MTREX: variants seen among roughly 807,000 people sequenced by gnomAD.
MTREX encodes Mtr4 exosome RNA helicase, also known as exosome RNA helicase MTR4.
A neutral mutation model predicts 135.4 loss-of-function variants in MTREX; 76 were observed. The observed-to-expected ratio is 0.56, with a 90% confidence interval of 0.47 to 0.68. MTREX has a LOEUF of 0.68. Among genes scored for constraint, MTREX ranks in the 30% least tolerant of loss-of-function variants. MTREX has a pLI of 0.00. For missense variants in MTREX, 920 were observed against 1,262.1 expected (o/e 0.73, Z 4.11); for synonymous variants, 404 against 401.6 (o/e 1.01, Z -0.07).
chr5:55,396,025 T>C (rs1210446452), intron 19 of MTREX, among the ~76,000 whole-genome samples: 3 of 152,214 alleles, frequency 2.0e-5, no homozygotes, highest in African/African-American at 7.2e-5. Context: ...GATTTTCCTC[T>C]TTTAATACTT....
At position 55,328,769 on chromosome 5, in the gene MTREX, T is replaced by A. The variant is rs751968832; in HGVS notation, c.473T>A (p.Leu158Gln). 4 of 1,613,272 alleles carry A rather than the reference T, an allele frequency of 2.5e-6. No homozygotes were observed. The South Asian group carries it at 3.3e-5, about 13-fold the overall frequency. ...TGTGTTGACAATAATCAGTCTGTTC[T>A]AGTATCTGCACATACCTCAGCGGGA... Reference protein sequence around the residue: ...IQCVDNNQSVLVSAHTSAGKT... With the variant: ...IQCVDNNQSVQVSAHTSAGKT... The change falls in exon 5 of 27, where the codon CTA becomes CAA. Residue 158 changes from leucine to glutamine, a missense_variant. This residue lies in a region of MTREX where 82 missense variants were observed against 107.4 expected (regional missense o/e 0.76). Coordinates refer to ENST00000230640, the MANE Select transcript of MTREX (RefSeq NM_015360.5).
intron 7 of MTREX, among the ~76,000 whole-genome samples, chr5:55,342,953 T>C (rs1295774189): frequency 6.6e-6 from 1 of 151,866 alleles, no homozygotes; most frequent in Non-Finnish European, 1.5e-5. Flanking sequence ...CCGTCTGGAA[T>C]AGGAATAGTA....
intron 1 of MTREX, among the ~76,000 whole-genome samples, chr5:55,321,481 C>T (rs1391573536): frequency 6.6e-6 from 1 of 151,788 alleles, no homozygotes; most frequent in South Asian, 2.1e-4. Context: ...ATTTTATCTT[C>T]TAGATTCTTT....
chr5:55,371,682 A>ATTAAT (rs949075058), intron 16 of MTREX, among the ~76,000 whole-genome samples: 4 of 152,214 alleles, frequency 2.6e-5, no homozygotes, highest in Non-Finnish European at 5.9e-5. Flanking sequence ...AAGTTGCCTC[A>ATTAAT]TTAATTTATG....
At chr5:55,344,769 G>A (rs1749703584) in intron 9 of MTREX, 149 bp downstream of exon 9, 2 of 569,436 alleles carry the variant, frequency 3.5e-6, no homozygotes, top group South Asian at 5.7e-5. Context: ...TGATTTTTTT[G>A]TGTGTTTTTA....
At chr5:55,389,726 T>C (rs1750535629) in intron 19 of MTREX, among the ~76,000 whole-genome samples, 1 of 152,166 alleles carries the variant, frequency 6.6e-6, no homozygotes, top group South Asian at 2.1e-4. Flanking sequence ...ACCCCCTCTT[T>C]AGAAAGAACT....
At chr5:55,357,301 G>C (rs758931938) in intron 14 of MTREX, 1 of 152,380 alleles carries the variant, frequency 6.6e-6, no homozygotes, top group Non-Finnish European at 1.5e-5. Flanking sequence ...GGTTGAACTT[G>C]GCCCTGTATT....
chr5:55,328,780 C>T lies in MTREX; in HGVS notation c.484C>T (p.His162Tyr). The T allele has an allele frequency of 6.2e-7, 1 of 1,611,732 alleles. No individual in the cohort carries two copies. Among genetic ancestry groups the T allele is most frequent in the South Asian group, 1.1e-5 (1 of 90,904 alleles). ...TAATCAGTCTGTTCTAGTATCTGCA[C>T]ATACCTCAGCGGGAAAAACAGTATG... ...DNNQSVLVSA[H>Y]TSAGKTVCAE... Residue 162 changes from histidine to tyrosine, a missense_variant, in exon 5 of 27, where the codon CAT (histidine) becomes TAT (tyrosine). Physicochemically the swap from His to Tyr is moderately conservative, Grantham distance 83. Transcript: ENST00000230640.
At chr5:55,357,611 G>A (rs1279997586) in intron 14 of MTREX, 1 of 152,382 alleles carries the variant, frequency 6.6e-6, no homozygotes, top group Non-Finnish European at 1.5e-5. Context: ...ACAGGCAGTG[G>A]GCTTTCAGCA....
intron 16 of MTREX, among the ~76,000 whole-genome samples, chr5:55,367,116 G>T (rs1379462548): frequency 6.6e-6 from 1 of 152,160 alleles, no homozygotes; most frequent in Non-Finnish European, 1.5e-5. Context: ...CTTGTCTTGT[G>T]CATATATGTC....
Position 55,374,653 on chromosome 5 carries a change from C to T in MTREX, c.1811-3661C>T, listed in dbSNP as rs189944203. 2.6e-5 allele frequency among the ~76,000 whole-genome samples: 4 copies of T among 152,240 alleles called. No homozygotes were observed. The East Asian group carries it at 7.7e-4, about 29-fold the overall frequency. On this transcript the variant is annotated intron_variant, in intron 16 of 26. Coordinates refer to ENST00000230640, the MANE Select transcript of MTREX (RefSeq NM_015360.5). ...AAGAACAACTTTGTTTCCTTCTTTA[C>T]CTGATAGAATGGTCCTAAGACCAGG...
At position 55,422,933 on chromosome 5, in the gene MTREX, A is replaced by G. The variant is rs749555666; in HGVS notation, c.3027A>G (p.Gln1009=). The change falls in exon 26 of 27, where the codon CAA becomes CAG. Residue 1009 remains glutamine, a synonymous_variant. Coordinates refer to ENST00000230640, the MANE Select transcript of MTREX (RefSeq NM_015360.5). The part of the protein sequence containing the change: ...RLEELLRQMC[Q]AAKAIGNTEL... ...AAGAATTGCTTCGACAAATGTGTCAAGCAGCAAAAGCCATTGGAAACACTG... is the reference window on the plus strand; with the variant it reads ...AAGAATTGCTTCGACAAATGTGTCAGGCAGCAAAAGCCATTGGAAACACTG... 1 of 1,614,158 alleles carries G rather than the reference A, an allele frequency of 6.2e-7. No individual in the cohort carries two copies. Among genetic ancestry groups the G allele is most frequent in the East Asian group, 2.2e-5 (1 of 44,886 alleles).
chr5:55,346,832 GC>G (rs1341531581), intron 10 of MTREX, among the ~76,000 whole-genome samples, 180 bp from the exon 11 acceptor site: 1 of 152,048 alleles, frequency 6.6e-6, no homozygotes, highest in African/African-American at 2.4e-5. Flanking sequence ...TCCAGTTCAT[GC>G]ATTTTTTTCC....
At chr5:55,408,532 T>C (rs1750839797) in intron 22 of MTREX, among the ~76,000 whole-genome samples, 1 of 152,210 alleles carries the variant, frequency 6.6e-6, no homozygotes, top group Non-Finnish European at 1.5e-5. Context: ...ATATTTTAAC[T>C]GTTAGTAAAG....
intron 19 of MTREX, among the ~76,000 whole-genome samples, chr5:55,393,168 T>G (rs1317850115): frequency 1.3e-5 from 2 of 152,200 alleles, no homozygotes; most frequent in African/African-American, 4.8e-5. Context: ...TAAGTTAAAT[T>G]TGCCACAAAG....
chr5:55,386,311 A>G (rs1561204967), intron 18 of MTREX, among the ~76,000 whole-genome samples: 3 of 152,178 alleles, frequency 2.0e-5, no homozygotes, highest in African/African-American at 7.2e-5. Flanking sequence ...AAGCTAGGAA[A>G]AAGAAGTTCA....
rs1286674956 is a variant in MTREX, at chr5:55,425,242, T to G, written c.*470T>G. The G allele has an allele frequency of 1.9e-6, 3 of 1,613,952 alleles. No individual in the cohort carries two copies. Among genetic ancestry groups the G allele is most frequent in the Middle Eastern group, 1.7e-4 (1 of 6,060 alleles). On this transcript the variant is annotated 3_prime_UTR_variant, in exon 27 of 27. Coordinates refer to ENST00000230640, the MANE Select transcript of MTREX (RefSeq NM_015360.5). The stretch of plus-strand genomic sequence containing the variant: ...GATTGCTCGGATAGTGATTCCCAGT[T>G]GTTGGTGTTTCATGCAGAGTTGTAT...
chr5:55,332,177 C>G (rs1164488647), intron 5 of MTREX, among the ~76,000 whole-genome samples: 1 of 152,156 alleles, frequency 6.6e-6, no homozygotes, highest in Admixed American at 6.5e-5. Flanking sequence ...TTAACAAGAT[C>G]ACCAGGTGAT....
Position 55,379,176 on chromosome 5 carries a change from CAAA to C in MTREX, c.2037_2039del (p.Lys680del). 1 of 1,596,478 alleles carries C rather than the reference CAAA, an allele frequency of 6.3e-7. No homozygotes were observed. Among genetic ancestry groups the C allele is most frequent in the South Asian group, 1.1e-5 (1 of 90,572 alleles). On this transcript the variant is annotated inframe_deletion, in exon 18 of 27. Transcript: ENST00000230640. ...GGCTGGGGAGTAGTGGTGAATTTCT[CAAA>C]AAAGTCAAATGTTAAGGTAAACTAT...
Sources: gnomAD v4.1 joint callset for allele counts (sites outside exome capture counted in the v4.1 genomes callset) on GRCh38, gnomAD v4.1.1 for gene constraint, gnomAD v4.1.1 regional missense constraint, MANE v1.5 for transcripts, NCBI Gene and HGNC (gene_info 2026-07-23, HGNC 2026-07-21) for gene names.